Variants in FBXO34 observed in about 807,000 individuals in gnomAD.
FBXO34 encodes the protein F-box protein 34.
Under a neutral mutation model 24.5 loss-of-function variants are expected in FBXO34, and 12 were observed. The observed-to-expected ratio is 0.49, with a 90% CI of 0.31 to 0.79. FBXO34 has a LOEUF of 0.79. FBXO34 is among the 30% of genes least tolerant of loss of function. FBXO34 has a pLI of 0.04. For synonymous variants in FBXO34, 320 were observed against 311.9 expected (o/e 1.03, Z -0.27); for missense variants, 823 against 857.7 (o/e 0.96, Z 0.51).
chr14:55,362,481 A>G (rs1190796381), downstream of FBXO34, among the ~76,000 whole-genome samples: 2 of 152,220 alleles, frequency 1.3e-5, no homozygotes, highest in African/African-American at 2.4e-5. Flanking sequence ...TCAATTTGTA[A>G]AAAACCCACG....
At chr14:55,435,683 TA>T in the FBXO34 span, among the ~76,000 whole-genome samples, 4 of 152,236 alleles carry the variant, frequency 2.6e-5, no homozygotes. Context: ...AGAATGAGAT[TA>T]TTTTTTATAA....
the FBXO34 span, among the ~76,000 whole-genome samples, chr14:55,434,406 A>G: frequency 6.6e-6 from 1 of 152,140 alleles, no homozygotes; most frequent in East Asian, 1.9e-4. Flanking sequence ...GCTCCTACAC[A>G]GATAGTCTCT....
chr14:55,370,694 T>A (rs113333931), downstream of FBXO34, among the ~76,000 whole-genome samples: 469 of 151,966 alleles, frequency 3.1e-3, 4 homozygotes, highest in African/African-American at 0.011. Context: ...CAGGCTGGAG[T>A]GCAGTGGCGC....
the FBXO34 span, among the ~76,000 whole-genome samples, chr14:55,415,200 AATCAGGACAC>A: frequency 5.3e-5 from 8 of 152,254 alleles, no homozygotes; most frequent in Non-Finnish European, 1.2e-4. Context: ...AGCTTCAGCT[AATCAGGACAC>A]TAATCAGTTA....
chr14:55,400,496 C>T, the FBXO34 span, among the ~76,000 whole-genome samples: 1 of 152,194 alleles, frequency 6.6e-6, no homozygotes. Context: ...TAAACCTCTA[C>T]AGGTGAACAC....
intron 1 of FBXO34, among the ~76,000 whole-genome samples, chr14:55,273,283 T>A (rs1245971945): frequency 6.6e-6 from 1 of 152,186 alleles, no homozygotes; most frequent in Admixed American, 6.5e-5. Context: ...AGATGGAAGT[T>A]ATGCCCATTT....
At chr14:55,341,459 C>T (rs1467031435) in intron 1 of FBXO34, among the ~76,000 whole-genome samples, 1 of 152,140 alleles carries the variant, frequency 6.6e-6, no homozygotes, top group Admixed American at 6.5e-5. Context: ...TAAAAGCAAG[C>T]ATCAGCCCAC....
At chr14:55,423,402 C>T in the FBXO34 span, among the ~76,000 whole-genome samples, 3 of 152,042 alleles carry the variant, frequency 2.0e-5, no homozygotes, top group Non-Finnish European at 4.4e-5. Context: ...TTCTGAGTGT[C>T]CACACTAATA....
chr14:55,433,503 G>T, the FBXO34 span: 1 of 871,026 alleles, frequency 1.1e-6, no homozygotes, highest in Non-Finnish European at 1.8e-6. Context: ...GCATTTCATT[G>T]AATAAAGTCT....
At chr14:55,276,461 CTAT>C (rs1051901512) in intron 1 of FBXO34, among the ~76,000 whole-genome samples, 1 of 151,996 alleles carries the variant, frequency 6.6e-6, no homozygotes, top group African/African-American at 2.4e-5. Flanking sequence ...TTCCCCATGC[CTAT>C]TATTAACTAT....
the FBXO34 span, among the ~76,000 whole-genome samples, chr14:55,377,117 C>T: frequency 1.3e-5 from 2 of 152,084 alleles, no homozygotes; most frequent in South Asian, 2.1e-4. Context: ...GAAGCCGAAG[C>T]GGGTGGATCA....
the FBXO34 span, chr14:55,411,567 C>T: frequency 1.9e-6 from 3 of 1,573,358 alleles, no homozygotes; most frequent in Non-Finnish European, 2.6e-6. Context: ...GGACACACAG[C>T]AGAAGAAACA....
At chr14:55,440,250 G>A in the FBXO34 span, 1 of 993,796 alleles carries the variant, frequency 1.0e-6, no homozygotes, top group Middle Eastern at 2.4e-4. Context: ...ACTTTTCGAA[G>A]CTTCTAACCT....
At chr14:55,299,818 G>A (rs889334158) in intron 1 of FBXO34, among the ~76,000 whole-genome samples, 2 of 152,174 alleles carry the variant, frequency 1.3e-5, no homozygotes, top group Non-Finnish European at 2.9e-5. Flanking sequence ...TCAAACAAAA[G>A]TAGGTGGAAT....
chr14:55,295,486 C>G (rs1432605093), intron 1 of FBXO34, among the ~76,000 whole-genome samples: 1 of 139,734 alleles, frequency 7.2e-6, no homozygotes, highest in Non-Finnish European at 1.5e-5. Flanking sequence ...CTTCTACCTT[C>G]TGGGCTCAAG....
rs1002477208 is a variant in FBXO34 at position 55,353,205 on chromosome 14, A to G, written c.*679A>G. ...TAGCACGATTAAAATCCAGTTGTAT[A>G]TAATGGACAGCTAACGGAACAATAT... On this transcript the variant is annotated 3_prime_UTR_variant, in exon 2 of 2. Transcript: ENST00000313833. The G allele has an allele frequency of 1.2e-5, 2 of 167,034 alleles. No individual in the cohort carries two copies. Among genetic ancestry groups the G allele is most frequent in the Non-Finnish European group, 2.9e-5 (2 of 68,118 alleles). The allele number at this position is 167,034 out of a possible 1,614,324, so 10.3% of individuals were successfully genotyped here.
chr14:55,414,490 A>G, the FBXO34 span: 3 of 1,447,404 alleles, frequency 2.1e-6, no homozygotes, highest in East Asian at 7.3e-5. Context: ...AATTTTTAAT[A>G]TAAAAATACC....
chr14:55,384,908 G>A, the FBXO34 span, among the ~76,000 whole-genome samples: 1 of 152,232 alleles, frequency 6.6e-6, no homozygotes, highest in South Asian at 2.1e-4. Context: ...TTACAAGATG[G>A]ACTGGGAGGT....
chr14:55,373,930 G>T (rs72717736), downstream of FBXO34, among the ~76,000 whole-genome samples: 1 of 152,170 alleles, frequency 6.6e-6, no homozygotes, highest in African/African-American at 2.4e-5. Flanking sequence ...TGATGAAGCA[G>T]GTGTGAAAAG....
Sources: allele counts gnomAD v4.1 joint callset (sites outside exome capture counted in the v4.1 genomes callset), GRCh38; gene constraint gnomAD v4.1.1; transcripts MANE v1.5; gene names NCBI Gene and HGNC (gene_info 2026-07-23, HGNC 2026-07-21).